Variants in AGPS observed in about 807,000 individuals in gnomAD.
The protein encoded by AGPS is alkyldihydroxyacetonephosphate synthase, peroxisomal.
Under a neutral mutation model 90.7 loss-of-function variants are expected in AGPS, and 26 were observed. That is an observed-to-expected ratio of 0.29 (90% CI 0.21 to 0.40). The LOEUF is 0.40. Among genes scored for constraint, AGPS ranks in the 10% least tolerant of loss-of-function variants. AGPS has a pLI of 1.00. For synonymous variants in AGPS, 294 were observed against 285.3 expected (o/e 1.03, Z -0.31); for missense variants, 540 against 816.1 (o/e 0.66, Z 4.12).
At chr2:177,421,761 A>G (rs1479799186) in intron 2 of AGPS, among the ~76,000 whole-genome samples, 1 of 152,176 alleles carries the variant, frequency 6.6e-6, no homozygotes, top group African/African-American at 2.4e-5. Context: ...ATCGATGTAG[A>G]GATCGGCTTT....
intron 8 of AGPS, among the ~76,000 whole-genome samples, chr2:177,448,895 T>G (rs1460907050): frequency 6.6e-6 from 1 of 152,146 alleles, no homozygotes; most frequent in East Asian, 1.9e-4. Flanking sequence ...GTCACATAGA[T>G]TTGCTTAAAT....
chr2:177,465,016 A>G (rs1687405398), intron 9 of AGPS, among the ~76,000 whole-genome samples: 1 of 152,230 alleles, frequency 6.6e-6, no homozygotes, highest in Non-Finnish European at 1.5e-5. Context: ...TAAAAAATGT[A>G]TGCTATAGCT....
At chr2:177,487,705 C>T (rs1487490679) in intron 11 of AGPS, among the ~76,000 whole-genome samples, 2 of 151,858 alleles carry the variant, frequency 1.3e-5, no homozygotes, top group Non-Finnish European at 2.9e-5. Flanking sequence ...TTGTGTCATG[C>T]GTTTTTTTCT....
chr2:177,436,877 A>G lies in AGPS; in HGVS notation c.555A>G (p.Arg185=), dbSNP rs1219050214. 3.1e-6 allele frequency: 5 copies of G among 1,612,600 alleles called. No individual in the cohort carries two copies. The East Asian group carries it at 1.1e-4, about 36-fold the overall frequency. ...AAGAGGCAGATGATCGAGTATTTAG[A>G]GCTCATGGTAAGTTACTTTATATTA... ...YSQEADDRVF[R]AHGHCLHEIF... is the part of the protein sequence containing the mutation. Residue 185 remains arginine (R), a synonymous_variant, in exon 4 of 20, where the codon AGA becomes AGG. Coordinates refer to ENST00000264167, the MANE Select transcript of AGPS (RefSeq NM_003659.4).
At chr2:177,431,122 C>T (rs1160208103) in intron 2 of AGPS, among the ~76,000 whole-genome samples, 3 of 152,076 alleles carry the variant, frequency 2.0e-5, no homozygotes, top group African/African-American at 7.2e-5. Context: ...GAGAAATAAA[C>T]AGAAAGAGTA....
chr2:177,449,081 A>G (rs1686860914), intron 8 of AGPS, among the ~76,000 whole-genome samples: 1 of 152,184 alleles, frequency 6.6e-6, no homozygotes, highest in Non-Finnish European at 1.5e-5. Context: ...TTTTGTTTAT[A>G]CATTCACCTG....
In AGPS at chr2:177,455,778, G is replaced by GT. The variant is rs34738213; in HGVS notation, c.871-6104dup. ...TTCAGTTTCCTTTACTATTTCTCCT[G>GT]TTTTTTTTTTTAGCAGCATATACAT... is the stretch of plus-strand genomic sequence containing the variant. On this transcript the variant is annotated intron_variant, in intron 8 of 19. Coordinates refer to ENST00000264167, the MANE Select transcript of AGPS (RefSeq NM_003659.4). 3.5e-3 allele frequency among the ~76,000 whole-genome samples: 516 copies of GT among 146,840 alleles called. 7 individuals carry two copies. The highest frequency in any genetic ancestry group is 0.011 in the African/African-American group (446 of 39,000).
At chr2:177,489,329 CT>C (rs2105701366) in intron 11 of AGPS, among the ~76,000 whole-genome samples, 1 of 152,260 alleles carries the variant, frequency 6.6e-6, no homozygotes, top group Non-Finnish European at 1.5e-5. Context: ...CGTGATCCGC[CT>C]GCCTCGGCCT....
chr2:177,427,618 G>T (rs1208827930), intron 2 of AGPS, among the ~76,000 whole-genome samples: 2 of 151,984 alleles, frequency 1.3e-5, no homozygotes, highest in African/African-American at 4.8e-5. Flanking sequence ...CATTCAGGTT[G>T]TTCAGTTTCC....
At chr2:177,393,110 G>A (rs1685069668) in intron 1 of AGPS, 61 bp downstream of exon 1, 1 of 1,549,934 alleles carries the variant, frequency 6.5e-7, no homozygotes, top group Admixed American at 2.0e-5. Context: ...TGTGCTGCAG[G>A]AGGGCACAGG....
chr2:177,403,276 A>C (rs1281558445), intron 1 of AGPS, among the ~76,000 whole-genome samples: 1 of 152,198 alleles, frequency 6.6e-6, no homozygotes, highest in Non-Finnish European at 1.5e-5. Context: ...GGGCAATTTT[A>C]TATCAAAGAA....
intron 7 of AGPS, 48 bp downstream of exon 7, chr2:177,442,534 C>T (rs748784323): frequency 7.1e-7 from 1 of 1,412,224 alleles, no homozygotes; most frequent in East Asian, 2.3e-5. Flanking sequence ...TTATTGGCTC[C>T]ACCTTAATTG....
At chr2:177,491,009 C>T (rs1360669834) in intron 11 of AGPS, among the ~76,000 whole-genome samples, 1 of 151,858 alleles carries the variant, frequency 6.6e-6, no homozygotes, top group Non-Finnish European at 1.5e-5. Flanking sequence ...GCATGCACCA[C>T]CACGGCTGGG....
chr2:177,532,528 A>C (rs1263436175), intron 19 of AGPS, among the ~76,000 whole-genome samples: 1 of 152,218 alleles, frequency 6.6e-6, no homozygotes, highest in Non-Finnish European at 1.5e-5. Context: ...GTAAAGTGGT[A>C]CAGCCATTCT....
At chr2:177,411,404 C>T (rs1224476946) in intron 1 of AGPS, among the ~76,000 whole-genome samples, 1 of 152,146 alleles carries the variant, frequency 6.6e-6, no homozygotes, top group Non-Finnish European at 1.5e-5. Flanking sequence ...TTTCCTTAGT[C>T]CTTCTAGCAC....
chr2:177,478,513 T>A (rs554903697), intron 10 of AGPS, among the ~76,000 whole-genome samples: 1 of 152,298 alleles, frequency 6.6e-6, no homozygotes, highest in South Asian at 2.1e-4. Flanking sequence ...TTTCCTGCAT[T>A]TCTCTGAGGC....
At chr2:177,499,398 A>C (rs770810860) in intron 13 of AGPS, among the ~76,000 whole-genome samples, 23 of 151,868 alleles carry the variant, frequency 1.5e-4, no homozygotes, top group Non-Finnish European at 2.8e-4. Flanking sequence ...ACTTTGAAAT[A>C]AAGTGTTTTT....
At chr2:177,464,035 G>A (rs930009446) in intron 9 of AGPS, among the ~76,000 whole-genome samples, 1 of 152,152 alleles carries the variant, frequency 6.6e-6, no homozygotes, top group Non-Finnish European at 1.5e-5. Context: ...TCCGCGTCCC[G>A]GGTTCAAGCG....
chr2:177,496,690 T>TA (rs1235143563), intron 12 of AGPS, among the ~76,000 whole-genome samples: 1 of 152,102 alleles, frequency 6.6e-6, no homozygotes, highest in Non-Finnish European at 1.5e-5. Flanking sequence ...AGTTTCCTAT[T>TA]ATAATCAGCA....
Sources: gnomAD v4.1 joint callset for allele counts (sites outside exome capture counted in the v4.1 genomes callset) on GRCh38, gnomAD v4.1.1 for gene constraint, MANE v1.5 for transcripts, NCBI Gene and HGNC (gene_info 2026-07-23, HGNC 2026-07-21) for gene names.